The following ZSWIM6 variants were observed in gnomAD, a reference collection of about 807,000 sequenced individuals.
ZSWIM6 encodes the protein zinc finger SWIM-type containing 6.
A neutral mutation model predicts 113.2 loss-of-function variants in ZSWIM6; 9 were observed. That is an observed-to-expected ratio of 0.08 (90% CI 0.05 to 0.14). ZSWIM6 has a LOEUF of 0.14. Among genes scored for constraint, ZSWIM6 ranks in the 10% least tolerant of loss-of-function variants. ZSWIM6 has a pLI of 1.00. For missense variants in ZSWIM6, 1,162 were observed against 1,552.2 expected (o/e 0.75, Z 4.22); for synonymous variants, 611 against 606.5 (o/e 1.01, Z -0.11).
chr5:61,423,926 T>TG (rs1320298324), intron 1 of ZSWIM6, among the ~76,000 whole-genome samples: 1 of 152,182 alleles, frequency 6.6e-6, no homozygotes, highest in Non-Finnish European at 1.5e-5. Context: ...AACCTTTAGT[T>TG]GCCTCCTCTC....
chr5:61,412,998 CT>C (rs1309615480), intron 1 of ZSWIM6, among the ~76,000 whole-genome samples: 127 of 148,630 alleles, frequency 8.5e-4, no homozygotes, highest in Admixed American at 1.9e-3. Context: ...TGTTTATTTT[CT>C]TTTTTTTTCC....
intron 1 of ZSWIM6, among the ~76,000 whole-genome samples, chr5:61,337,748 CTG>C (rs1385175465): frequency 1.3e-5 from 2 of 152,166 alleles, no homozygotes; most frequent in Non-Finnish European, 2.9e-5. Context: ...ATAAAAACAT[CTG>C]TAAGTCTACA....
At chr5:61,502,212 CAGGA>C (rs1748486970) in intron 4 of ZSWIM6, among the ~76,000 whole-genome samples, 2 of 152,058 alleles carry the variant, frequency 1.3e-5, no homozygotes, top group Non-Finnish European at 2.9e-5. Flanking sequence ...ATGCCAGGAG[CAGGA>C]AGGAAAGAAG....
intron 9 of ZSWIM6, among the ~76,000 whole-genome samples, chr5:61,533,376 G>C (rs1349133597): frequency 6.6e-6 from 1 of 152,218 alleles, no homozygotes; most frequent in Non-Finnish European, 1.5e-5. Context: ...AGCAGGCCCA[G>C]ATATCTGGAA....
At chr5:61,398,535 T>G (rs556165355) in intron 1 of ZSWIM6, among the ~76,000 whole-genome samples, 7 of 152,312 alleles carry the variant, frequency 4.6e-5, no homozygotes, top group Non-Finnish European at 8.8e-5. Flanking sequence ...TTGGGAGCCT[T>G]AAGTTCTGCA....
At chr5:61,425,078 G>C (rs974262557) in intron 1 of ZSWIM6, among the ~76,000 whole-genome samples, 5 of 152,078 alleles carry the variant, frequency 3.3e-5, no homozygotes, top group African/African-American at 9.7e-5. Flanking sequence ...TTGTGCCTCA[G>C]TTTCCTCACT....
At chr5:61,373,319 G>A (rs1243533565) in intron 1 of ZSWIM6, among the ~76,000 whole-genome samples, 2 of 151,496 alleles carry the variant, frequency 1.3e-5, no homozygotes, top group East Asian at 3.9e-4. Flanking sequence ...TCTTTTTTTG[G>A]AGGGGGAATA....
At chr5:61,455,908 A>T (rs1448382359) in intron 1 of ZSWIM6, among the ~76,000 whole-genome samples, 1 of 151,300 alleles carries the variant, frequency 6.6e-6, no homozygotes, top group Non-Finnish European at 1.5e-5. Flanking sequence ...ACCTGGTAAA[A>T]TGAAAATGCT....
intron 13 of ZSWIM6, among the ~76,000 whole-genome samples, chr5:61,542,663 G>T (rs1306167308): frequency 6.6e-6 from 1 of 152,046 alleles, no homozygotes; most frequent in Non-Finnish European, 1.5e-5. Context: ...TTTCACTAAC[G>T]TATAATGGTT....
chr5:61,355,798 CATT>C (rs986639734), intron 1 of ZSWIM6, among the ~76,000 whole-genome samples: 32 of 152,072 alleles, frequency 2.1e-4, no homozygotes, highest in Admixed American at 1.9e-3. Context: ...GAATGTAAAA[CATT>C]ATGAACAATT....
At position 61,472,898 on chromosome 5, in the gene ZSWIM6, T is replaced by A. The variant is rs1427606448; in HGVS notation, c.894T>A (p.Thr298=). The A allele has an allele frequency of 6.4e-7, 1 of 1,551,656 alleles. No homozygotes were observed. Among genetic ancestry groups the A allele is most frequent in the South Asian group, 1.2e-5 (1 of 84,066 alleles). ...QVKLHLPISE[T]LFQMNRDQLQ... ...AACTGCATCTTCCTATTTCAGAGAC[T>A]CTCTTTCAAATGAATAGAGACCAAC... Residue 298 remains threonine (T), a synonymous_variant, in exon 2 of 14, where the codon ACT becomes ACA. Transcript: ENST00000252744. This position sits in a 1 kb window ranked among gnomAD's most constrained non-coding sequence, Gnocchi z 4.1.
chr5:61,421,576 C>A (rs1188955492), intron 1 of ZSWIM6, among the ~76,000 whole-genome samples: 1 of 152,168 alleles, frequency 6.6e-6, no homozygotes, highest in African/African-American at 2.4e-5. Context: ...CAGATTATTT[C>A]ATCACCCAGG....
intron 1 of ZSWIM6, among the ~76,000 whole-genome samples, chr5:61,336,323 T>C (rs6893130): frequency 0.05 from 7,657 of 152,244 alleles, 273 homozygotes; most frequent in South Asian, 0.18. Context: ...TAGGTGCTGG[T>C]ATATAAGTAT....
At chr5:61,453,353 A>C (rs1384819209) in intron 1 of ZSWIM6, among the ~76,000 whole-genome samples, 1 of 151,310 alleles carries the variant, frequency 6.6e-6, no homozygotes. Context: ...TTGTGGTGAG[A>C]ACACTTTACG....
intron 1 of ZSWIM6, among the ~76,000 whole-genome samples, chr5:61,438,626 T>C (rs1246538346): frequency 6.6e-6 from 1 of 152,204 alleles, no homozygotes; most frequent in Non-Finnish European, 1.5e-5. Context: ...ATGAACAACA[T>C]ATAATTCTGT....
intron 4 of ZSWIM6, among the ~76,000 whole-genome samples, chr5:61,502,862 G>A (rs1055430849): frequency 1.9e-4 from 29 of 152,108 alleles, no homozygotes; most frequent in African/African-American, 6.0e-4. Context: ...GATCTGAGGT[G>A]GAATAGTTTC....
intron 1 of ZSWIM6, chr5:61,347,086 T>C (rs533591251): frequency 1.3e-5 from 2 of 153,118 alleles, no homozygotes; most frequent in Non-Finnish European, 2.9e-5. Context: ...AATTTACTGT[T>C]ATGTAATTGG....
chr5:61,434,414 A>G (rs909026681), intron 1 of ZSWIM6, among the ~76,000 whole-genome samples: 1 of 151,824 alleles, frequency 6.6e-6, no homozygotes, highest in Non-Finnish European at 1.5e-5. Flanking sequence ...TGTACACTGT[A>G]CCCAATGTGT....
intron 1 of ZSWIM6, among the ~76,000 whole-genome samples, chr5:61,348,382 A>AC (rs1744711449): frequency 6.6e-6 from 1 of 152,182 alleles, no homozygotes; most frequent in Non-Finnish European, 1.5e-5. Context: ...GAGAGTTCTC[A>AC]CCCCTACCTC....
Sources: gnomAD v4.1 joint callset for allele counts (sites outside exome capture counted in the v4.1 genomes callset) on GRCh38, gnomAD v4.1.1 for gene constraint, Gnocchi (gnomAD v3.1) non-coding constraint, MANE v1.5 for transcripts, NCBI Gene and HGNC (gene_info 2026-07-23, HGNC 2026-07-21) for gene names.